The following NFATC2 variants were observed in gnomAD, a reference collection of about 807,000 sequenced individuals.
NFATC2 encodes the protein nuclear factor of activated T-cells, cytoplasmic 2.
NFATC2 carries 22 observed loss-of-function variants against 87.3 expected under a neutral mutation model. The observed-to-expected ratio is 0.25, with a 90% CI of 0.18 to 0.36. The LOEUF is 0.36. NFATC2 is among the 10% of genes least tolerant of loss of function. The pLI is 1.00. For synonymous variants in NFATC2, 565 were observed against 542.2 expected (o/e 1.04, Z -0.58); for missense variants, 1,149 against 1,259.1 (o/e 0.91, Z 1.32).
chr20:51,491,581 T>C (rs904391168), intron 3 of NFATC2, among the ~76,000 whole-genome samples: 1 of 152,132 alleles, frequency 6.6e-6, no homozygotes, highest in African/African-American at 2.4e-5. Context: ...GGAGGAGAAG[T>C]GCAGCGGCAC....
intron 10 of NFATC2, among the ~76,000 whole-genome samples, chr20:51,392,210 G>C (rs1032620583): frequency 6.6e-5 from 10 of 152,310 alleles, no homozygotes; most frequent in Admixed American, 5.2e-4. Flanking sequence ...CTTACAAAGA[G>C]AGCAAGTGAG....
intron 2 of NFATC2, among the ~76,000 whole-genome samples, chr20:51,517,369 A>G (rs2076368722): frequency 6.6e-6 from 1 of 152,042 alleles, no homozygotes; most frequent in African/African-American, 2.4e-5. Context: ...TGGGTGGATC[A>G]CTTAAGCCCA....
intron 1 of NFATC2, among the ~76,000 whole-genome samples, chr20:51,560,338 G>T (rs2077010576): frequency 6.6e-6 from 1 of 152,184 alleles, no homozygotes; most frequent in East Asian, 1.9e-4. Flanking sequence ...GAAGCAGAAG[G>T]CAGGGAGTCT....
intron 3 of NFATC2, among the ~76,000 whole-genome samples, chr20:51,507,561 T>G (rs2076204931): frequency 6.6e-6 from 1 of 152,246 alleles, no homozygotes; most frequent in Admixed American, 6.5e-5. Context: ...ATCCTAACTA[T>G]GCTCAACAAA....
At chr20:51,442,466 C>T (rs186850114) in intron 6 of NFATC2, among the ~76,000 whole-genome samples, 1 of 151,624 alleles carries the variant, frequency 6.6e-6, no homozygotes, top group Non-Finnish European at 1.5e-5. Flanking sequence ...AAATAAAAAG[C>T]AGATTTTAAA....
chr20:51,512,441 C>T (rs927257615), intron 3 of NFATC2, among the ~76,000 whole-genome samples: 16 of 152,180 alleles, frequency 1.1e-4, no homozygotes, highest in African/African-American at 3.9e-4. Context: ...GTGCTGATCT[C>T]ACCAACGTTG....
In NFATC2 at chr20:51,432,692, A is replaced by T; in HGVS notation, c.2097T>A (p.His699Gln). ...YDPTLICSPT[H>Q]GGLGSQPYYP... ...AGTAAGGCTGGCTCCCCAGGCCTCC[A>T]TGGGTGGGGCTGCAGATCAGAGTGG... Residue 699 changes from histidine to glutamine, a missense_variant, in exon 9 of 11, where the codon CAT (histidine) becomes CAA (glutamine). Physicochemically the swap from His to Gln is conservative, Grantham distance 24. Coordinates refer to ENST00000371564, the MANE Select transcript of NFATC2 (RefSeq NM_012340.5). The surrounding 1 kb of genome is among the most constrained non-coding windows in gnomAD (Gnocchi z 4.6). 6.3e-7 allele frequency: 1 copy of T among 1,581,754 alleles called. No individual in the cohort carries two copies. The highest frequency in any genetic ancestry group is 8.5e-7 in the Non-Finnish European group (1 of 1,171,016).
chr20:51,422,579 T>TG (rs1981106344), intron 9 of NFATC2, among the ~76,000 whole-genome samples: 1 of 151,308 alleles, frequency 6.6e-6, no homozygotes, highest in Non-Finnish European at 1.5e-5. Context: ...CTTTTTTTTT[T>TG]TTTTTTCTGA....
intron 3 of NFATC2, among the ~76,000 whole-genome samples, chr20:51,491,675 C>T (rs1200449218): frequency 6.6e-6 from 1 of 152,046 alleles, no homozygotes; most frequent in Non-Finnish European, 1.5e-5. Context: ...AACAGAGTTC[C>T]TGGAACTTTA....
intron 3 of NFATC2, among the ~76,000 whole-genome samples, chr20:51,512,784 G>A (rs534310509): frequency 1.3e-5 from 2 of 152,346 alleles, no homozygotes; most frequent in African/African-American, 4.8e-5. Flanking sequence ...CTGAGTAACT[G>A]AGAGGGGAGA....
chr20:51,523,369 G>T lies in NFATC2; in HGVS notation c.872C>A (p.Pro291Gln), dbSNP rs754433414. The T allele has an allele frequency of 1.2e-6, 2 of 1,610,918 alleles. No individual in the cohort carries two copies. Among genetic ancestry groups the T allele is most frequent in the Non-Finnish European group, 8.5e-7 (1 of 1,178,478 alleles). Reference sequence around the variant, plus strand: ...GCCAGCCACAGGGGGGTACCCAGCCGGGGAGCCGTGGTCCTGGGGTGCCAC... The same window carrying T: ...GCCAGCCACAGGGGGGTACCCAGCCTGGGAGCCGTGGTCCTGGGGTGCCAC... ...SHVAPQDHGS[P>Q]AGYPPVAGSA... The change falls in exon 2 of 11, where the codon CCG (proline) becomes CAG (glutamine). Residue 291 changes from proline (P) to glutamine (Q), a missense_variant. This residue lies in a region of NFATC2 where 563 missense variants were observed against 585.2 expected (regional missense o/e 0.96). Coordinates refer to ENST00000371564, the MANE Select transcript of NFATC2 (RefSeq NM_012340.5). The surrounding 1 kb of genome is among the most constrained non-coding windows in gnomAD (Gnocchi z 6.9).
chr20:51,465,452 G>A (rs374723879), intron 5 of NFATC2, among the ~76,000 whole-genome samples: 36 of 152,200 alleles, frequency 2.4e-4, no homozygotes, highest in African/African-American at 7.5e-4. Context: ...ATCCTAATTA[G>A]AATAAAATCC....
chr20:51,508,566 C>T (rs541255983), intron 3 of NFATC2, among the ~76,000 whole-genome samples: 2 of 152,182 alleles, frequency 1.3e-5, no homozygotes, highest in Non-Finnish European at 2.9e-5. Flanking sequence ...CTCAGAACCC[C>T]CACATCACAC....
chr20:51,529,365 T>C (rs979703228), intron 1 of NFATC2, among the ~76,000 whole-genome samples: 4 of 152,144 alleles, frequency 2.6e-5, no homozygotes, highest in Non-Finnish European at 5.9e-5. Context: ...GCAGTTTTTT[T>C]TTTTTCCTCT....
chr20:51,522,197 A>G (rs995816967), intron 2 of NFATC2, among the ~76,000 whole-genome samples: 1 of 146,672 alleles, frequency 6.8e-6, no homozygotes, highest in Non-Finnish European at 1.5e-5. Flanking sequence ...CATCTAATCC[A>G]TTTTTTAAAA....
At position 51,424,928 on chromosome 20, in the gene NFATC2, G is replaced by A. The variant is rs140261584; in HGVS notation, c.2722+7139C>T. ...ACGGGGGTAAAAATTGGTTCTCTGC[G>A]GGAGGGGTGTTGAAAAAAATCTTCC... On this transcript the variant is annotated intron_variant, in intron 9 of 10. Coordinates refer to ENST00000371564, the MANE Select transcript of NFATC2 (RefSeq NM_012340.5). Among the ~76,000 whole-genome samples, 8 of 151,988 alleles carry A rather than the reference G, an allele frequency of 5.3e-5. No homozygotes were observed. In the East Asian group the frequency reaches 9.7e-4, roughly 18 times the overall value.
intron 8 of NFATC2, among the ~76,000 whole-genome samples, 197 bp downstream of exon 8, chr20:51,434,991 T>A (rs1983345676): frequency 6.6e-6 from 1 of 152,200 alleles, no homozygotes; most frequent in Non-Finnish European, 1.5e-5. Flanking sequence ...TACTTTGCAC[T>A]GTGCTAAGGA....
Position 51,389,530 on chromosome 20 carries a change from T to C in NFATC2, c.*1966A>G, listed in dbSNP as rs1377963503. On this transcript the variant is annotated 3_prime_UTR_variant, in exon 11 of 11. Transcript: ENST00000371564. ...TTTGTTCATGAGGAAGTATTTAGCA[T>C]CCCAGAAGTTCCATGGTAGGGGTCA... is the stretch of plus-strand genomic sequence containing the variant. The C allele has an allele frequency of 6.6e-6, 1 of 152,180 alleles. No homozygotes were observed. Among genetic ancestry groups the C allele is most frequent in the Non-Finnish European group, 1.5e-5 (1 of 68,034 alleles). The allele number at this position is 152,180 out of a possible 1,614,324, so 9.4% of individuals were successfully genotyped here.
At chr20:51,426,391 T>G (rs1017045017) in intron 9 of NFATC2, among the ~76,000 whole-genome samples, 2 of 151,716 alleles carry the variant, frequency 1.3e-5, no homozygotes, top group Non-Finnish European at 2.9e-5. Flanking sequence ...GGCAGAAGAA[T>G]CACTTGAACC....
Sources: allele counts gnomAD v4.1 joint callset (sites outside exome capture counted in the v4.1 genomes callset), GRCh38; gene constraint gnomAD v4.1.1; regional missense constraint gnomAD v4.1.1; non-coding constraint Gnocchi (gnomAD v3.1); transcripts MANE v1.5; gene names NCBI Gene and HGNC (gene_info 2026-07-23, HGNC 2026-07-21).